Variants in SEMA3A observed in about 807,000 individuals in gnomAD.
SEMA3A encodes the protein semaphorin-3A.
In SEMA3A, 29 loss-of-function variants were observed where a neutral mutation model predicts 97.9. The observed-to-expected ratio is 0.30, with a 90% CI of 0.22 to 0.40. The LOEUF is 0.40. Among genes scored for constraint, SEMA3A ranks in the 10% least tolerant of loss-of-function variants. The probability of loss-of-function intolerance (pLI) is 1.00; values close to 1 mark genes in which losing one functional copy is unlikely to be tolerated. For synonymous variants in SEMA3A, 321 were observed against 323.7 expected, an observed-to-expected ratio of 0.99 and a Z score of 0.09; for missense variants, 763 against 951.3, an observed-to-expected ratio of 0.80 and a Z score of 2.60.
intron 1 of SEMA3A, among the ~76,000 whole-genome samples, chr7:84,387,639 C>T (rs1319698962): frequency 6.6e-6 from 1 of 152,108 alleles, no homozygotes; most frequent in African/African-American, 2.4e-5. Flanking sequence ...AATACAGATA[C>T]AGATAATTCT....
chr7:84,421,949 G>A (rs1185821829), intron 1 of SEMA3A, among the ~76,000 whole-genome samples: 1 of 152,068 alleles, frequency 6.6e-6, no homozygotes, highest in African/African-American at 2.4e-5. Flanking sequence ...TTGCATCAAT[G>A]TTCTTCAGGG....
chr7:84,203,522 A>AT (rs1266870104), intron 3 of SEMA3A, among the ~76,000 whole-genome samples: 1,139 of 43,456 alleles, frequency 0.026, 21 homozygotes, highest in South Asian at 0.05. Flanking sequence ...ATATATATAT[A>AT]TATATTTTTT....
At chr7:84,002,109 T>C (rs1171990161) in intron 11 of SEMA3A, 63 bp from the exon 12 acceptor site, 1 of 891,482 alleles carries the variant, frequency 1.1e-6, no homozygotes, top group Non-Finnish European at 1.8e-6. Flanking sequence ...TTAGTGTTAA[T>C]GAATGAAATA....
In SEMA3A at chr7:83,955,928, T is replaced by C. The variant is rs1788270229; in HGVS notation, c.*5443A>G. On this transcript the variant is annotated 3_prime_UTR_variant, in exon 17 of 17. Coordinates refer to ENST00000265362, the MANE Select transcript of SEMA3A (RefSeq NM_006080.3). Reference sequence around the variant, plus strand: ...TGCTTAGGTCCTATATAAATAAACATTGTATATACAAGTATAGTGTTTAGA... The same window carrying C: ...TGCTTAGGTCCTATATAAATAAACACTGTATATACAAGTATAGTGTTTAGA... The C allele has an allele frequency of 6.6e-6, 1 of 152,162 alleles. No homozygotes were observed. The highest frequency in any genetic ancestry group is 6.6e-5 in the Admixed American group (1 of 15,264). The allele number at this position is 152,162 out of a possible 1,614,324, so 9.4% of individuals were successfully genotyped here.
chr7:84,293,518 T>C, intron 3 of SEMA3A, among the ~76,000 whole-genome samples: 1 of 152,130 alleles, frequency 6.6e-6, no homozygotes, highest in Middle Eastern at 3.4e-3. Context: ...AATTTTCAGA[T>C]GCAAAAAATA....
intron 3 of SEMA3A, among the ~76,000 whole-genome samples, chr7:84,229,582 G>C (rs955832976): frequency 1.3e-5 from 2 of 151,994 alleles, no homozygotes; most frequent in Non-Finnish European, 2.9e-5. Flanking sequence ...GGCCTCTATA[G>C]TTTTTCAGTG....
At chr7:84,446,482 G>A (rs1805417597) in intron 1 of SEMA3A, among the ~76,000 whole-genome samples, 1 of 151,712 alleles carries the variant, frequency 6.6e-6, no homozygotes, top group African/African-American at 2.4e-5. Context: ...ACAACTAAGA[G>A]GAATTTATTC....
chr7:84,287,485 A>G (rs1307720499), intron 3 of SEMA3A, among the ~76,000 whole-genome samples: 2 of 152,188 alleles, frequency 1.3e-5, no homozygotes, highest in African/African-American at 2.4e-5. Context: ...GGATTGTGAT[A>G]AACTGTATAC....
chr7:84,239,404 T>C (rs947312139), intron 3 of SEMA3A, among the ~76,000 whole-genome samples: 9 of 152,170 alleles, frequency 5.9e-5, no homozygotes, highest in Non-Finnish European at 1.2e-4. Context: ...AATCCACTTT[T>C]TGTGGCCAAG....
At chr7:84,137,236 TA>T (rs1425742188) in intron 1 of SEMA3A, among the ~76,000 whole-genome samples, 1 of 151,586 alleles carries the variant, frequency 6.6e-6, no homozygotes, top group Non-Finnish European at 1.5e-5. Context: ...CTGTCTCTAC[TA>T]AAAATACAAA....
At chr7:84,392,732 A>G (rs1435537285) in intron 1 of SEMA3A, among the ~76,000 whole-genome samples, 1 of 152,156 alleles carries the variant, frequency 6.6e-6, no homozygotes, top group Non-Finnish European at 1.5e-5. Flanking sequence ...AATAATAACC[A>G]TTTTAACAGA....
intron 1 of SEMA3A, among the ~76,000 whole-genome samples, chr7:84,399,659 C>T (rs1438534464): frequency 6.6e-6 from 1 of 152,200 alleles, no homozygotes; most frequent in Non-Finnish European, 1.5e-5. Flanking sequence ...TGCTTCTAGA[C>T]CCATTGTGAG....
rs548741744 is a variant in SEMA3A, at chr7:84,032,111, G to A, written c.667+14213C>T. Reference sequence around the variant, plus strand: ...TGGAGGTTTGTTTTGATGGCCACCTGTTTCCTAGGGCATGCTAGGAGTTCA... The same window carrying A: ...TGGAGGTTTGTTTTGATGGCCACCTATTTCCTAGGGCATGCTAGGAGTTCA... On this transcript the variant is annotated intron_variant, in intron 6 of 16. Coordinates refer to ENST00000265362, the MANE Select transcript of SEMA3A (RefSeq NM_006080.3). Among the ~76,000 whole-genome samples the A allele has an allele frequency of 3.3e-5, 5 of 152,250 alleles. No homozygotes were observed. In the South Asian group the frequency reaches 1.0e-3, roughly 32 times the overall value.
chr7:84,083,730 C>G (rs1472159257), intron 4 of SEMA3A, among the ~76,000 whole-genome samples: 4 of 151,906 alleles, frequency 2.6e-5, no homozygotes, highest in African/African-American at 7.2e-5. Flanking sequence ...ATAACCATGA[C>G]TTTTAAGTAA....
chr7:84,378,589 A>C (rs1803170034), intron 1 of SEMA3A, among the ~76,000 whole-genome samples: 1 of 152,134 alleles, frequency 6.6e-6, no homozygotes, highest in African/African-American at 2.4e-5. Flanking sequence ...GGATAGCATT[A>C]GGAGAAATAC....
exon 1 of SEMA3A, chr7:84,492,700 G>A (rs1202632291): frequency 6.6e-6 from 1 of 151,782 alleles, no homozygotes; most frequent in Non-Finnish European, 1.5e-5. Flanking sequence ...ACCTACACCT[G>A]GGCGGATCTA....
chr7:83,998,338 T>C (rs2116375850), intron 12 of SEMA3A, among the ~76,000 whole-genome samples: 2 of 152,302 alleles, frequency 1.3e-5, no homozygotes, highest in Admixed American at 1.3e-4. Context: ...GATAACACAA[T>C]AGTAAGTATT....
At chr7:84,358,074 C>A (rs950011972) in intron 2 of SEMA3A, among the ~76,000 whole-genome samples, 13 of 152,132 alleles carry the variant, frequency 8.5e-5, no homozygotes, top group African/African-American at 3.1e-4. Context: ...ACTTTTCTCC[C>A]ATTCTGTAGG....
At chr7:83,964,287 AAATT>A (rs1466781185) in intron 15 of SEMA3A, among the ~76,000 whole-genome samples, 1 of 152,204 alleles carries the variant, frequency 6.6e-6, no homozygotes, top group Non-Finnish European at 1.5e-5. Flanking sequence ...GAAACTCATT[AAATT>A]AATTTAGAAA....
Sources: gnomAD v4.1 joint callset for allele counts (sites outside exome capture counted in the v4.1 genomes callset) on GRCh38, gnomAD v4.1.1 for gene constraint, MANE v1.5 for transcripts, NCBI Gene and HGNC (gene_info 2026-07-23, HGNC 2026-07-21) for gene names.